Variants in FSHR observed in about 807,000 individuals in gnomAD.
FSHR encodes the protein follicle-stimulating hormone receptor.
In FSHR, 46 loss-of-function variants were observed where a neutral mutation model predicts 52.1. The ratio of observed to expected loss-of-function variants is 0.88; its 90% CI spans 0.70 to 1.13. FSHR has a LOEUF of 1.13. Among genes scored for constraint, FSHR ranks in the 50% most tolerant of loss-of-function variants. The probability of loss-of-function intolerance (pLI) is 0.00; values close to 1 mark genes in which losing one functional copy is unlikely to be tolerated. For synonymous variants in FSHR, 399 were observed against 309.6 expected (o/e 1.29, Z -3.03); for missense variants, 964 against 834.6 (o/e 1.16, Z -1.91).
intron 2 of FSHR, among the ~76,000 whole-genome samples, chr2:49,064,328 TG>T (rs1307166472): frequency 2.3e-5 from 2 of 87,362 alleles, no homozygotes; most frequent in South Asian, 5.3e-4. Context: ...CTTTTGAGAG[TG>T]GTTTAGGGCC....
intron 1 of FSHR, among the ~76,000 whole-genome samples, chr2:49,104,752 G>A (rs1293638018): frequency 6.6e-6 from 1 of 151,880 alleles, no homozygotes; most frequent in Non-Finnish European, 1.5e-5. Context: ...CCTCAATACA[G>A]CAGGGTAGAG....
chr2:49,039,595 A>G (rs1292667726), intron 2 of FSHR, among the ~76,000 whole-genome samples: 2 of 152,216 alleles, frequency 1.3e-5, no homozygotes, highest in African/African-American at 4.8e-5. Flanking sequence ...TAGAGGTGAC[A>G]TGTTCCTTGC....
chr2:49,127,804 TC>T (rs1672080013), intron 1 of FSHR, among the ~76,000 whole-genome samples: 1 of 60,138 alleles, frequency 1.7e-5, no homozygotes. Context: ...TTCTTCTTCT[TC>T]TTCTTCTTCT....
chr2:49,065,523 A>T (rs1239276576), intron 2 of FSHR, among the ~76,000 whole-genome samples: 1 of 152,090 alleles, frequency 6.6e-6, no homozygotes, highest in African/African-American at 2.4e-5. Context: ...TGGTGACATG[A>T]TTCACTGGGC....
chr2:48,987,620 C>T (rs1236650486), intron 6 of FSHR, among the ~76,000 whole-genome samples: 1 of 152,090 alleles, frequency 6.6e-6, no homozygotes, highest in Non-Finnish European at 1.5e-5. Flanking sequence ...TCTTTAAAAG[C>T]CCATTTTAAA....
chr2:48,984,586 ATT>A (rs141416405), intron 6 of FSHR, among the ~76,000 whole-genome samples: 14 of 101,732 alleles, frequency 1.4e-4, no homozygotes, highest in East Asian at 1.4e-3. Context: ...ATAATTGGGT[ATT>A]TTTTTTTTTT....
intron 8 of FSHR, among the ~76,000 whole-genome samples, chr2:48,975,820 T>A (rs1674963140): frequency 6.6e-6 from 1 of 152,198 alleles, no homozygotes; most frequent in Non-Finnish European, 1.5e-5. Context: ...ATGCTTGTGA[T>A]TTTTGCACAT....
At chr2:49,041,006 A>G (rs1307759813) in intron 2 of FSHR, among the ~76,000 whole-genome samples, 2 of 152,126 alleles carry the variant, frequency 1.3e-5, no homozygotes, top group African/African-American at 4.8e-5. Context: ...CTATGATACT[A>G]TTACCTGAGC....
At chr2:49,081,775 ACT>A (rs1670179568) in intron 1 of FSHR, among the ~76,000 whole-genome samples, 1 of 152,058 alleles carries the variant, frequency 6.6e-6, no homozygotes. Context: ...ATTCTCTTAA[ACT>A]CTGTCTCTGT....
intron 1 of FSHR, among the ~76,000 whole-genome samples, chr2:49,094,293 A>G (rs1220269480): frequency 1.3e-5 from 2 of 152,174 alleles, no homozygotes; most frequent in Non-Finnish European, 2.9e-5. Flanking sequence ...TTTATTTGCA[A>G]ACATTAAAAA....
At chr2:49,001,264 T>C (rs901533298) in intron 4 of FSHR, among the ~76,000 whole-genome samples, 2 of 151,818 alleles carry the variant, frequency 1.3e-5, no homozygotes, top group African/African-American at 4.9e-5. Flanking sequence ...TATTATAAAC[T>C]CTATTTTATA....
chr2:49,120,946 A>G (rs765005500), intron 1 of FSHR, among the ~76,000 whole-genome samples: 9 of 152,240 alleles, frequency 5.9e-5, no homozygotes, highest in South Asian at 2.1e-4. Context: ...GGAGAACACT[A>G]GTGATTTGGG....
chr2:49,086,719 C>T (rs1670406943), intron 1 of FSHR, among the ~76,000 whole-genome samples: 1 of 152,156 alleles, frequency 6.6e-6, no homozygotes, highest in African/African-American at 2.4e-5. Context: ...TGGCTCATTG[C>T]AAACTCCACA....
Position 49,020,182 on chromosome 2 carries a change from A to G in FSHR, c.225-22T>C, listed in dbSNP as rs751093894. ...CTCTCTGTGGAGAAAAAAATATATAAGTCAAGCCAGTTCAGTTACACTCCT... is the reference window on the plus strand; with the variant it reads ...CTCTCTGTGGAGAAAAAAATATATAGGTCAAGCCAGTTCAGTTACACTCCT... On this transcript the variant is annotated intron_variant, in intron 2 of 9. Transcript: ENST00000406846. The G allele has an allele frequency of 3.8e-6, 6 of 1,582,574 alleles. No individual in the cohort carries two copies. In the South Asian group the frequency reaches 6.6e-5, roughly 17 times the overall value.
At chr2:49,103,837 A>G (rs1194181095) in intron 1 of FSHR, among the ~76,000 whole-genome samples, 5 of 152,178 alleles carry the variant, frequency 3.3e-5, no homozygotes, top group African/African-American at 1.2e-4. Flanking sequence ...AATTTGGGAT[A>G]AAGACAGATC....
chr2:49,053,627 A>T (rs1268500662), intron 2 of FSHR, among the ~76,000 whole-genome samples: 1 of 152,206 alleles, frequency 6.6e-6, no homozygotes, highest in Admixed American at 6.5e-5. Context: ...TGCAGATAAA[A>T]GCTAAGGCAT....
intron 4 of FSHR, among the ~76,000 whole-genome samples, chr2:49,012,456 C>T (rs1667310425): frequency 6.6e-6 from 1 of 151,964 alleles, no homozygotes; most frequent in South Asian, 2.1e-4. Flanking sequence ...AGCATGAAGG[C>T]ATTGATGAAG....
chr2:49,076,839 G>A (rs1345824579), intron 1 of FSHR, among the ~76,000 whole-genome samples: 1 of 152,164 alleles, frequency 6.6e-6, no homozygotes, highest in Non-Finnish European at 1.5e-5. Context: ...GAAATCCAGT[G>A]GGACAGTCAA....
chr2:49,117,358 A>G (rs1378219787), intron 1 of FSHR, among the ~76,000 whole-genome samples: 1 of 152,212 alleles, frequency 6.6e-6, no homozygotes, highest in Non-Finnish European at 1.5e-5. Flanking sequence ...CATATCATAC[A>G]TATTTAATGT....
Sources: allele counts gnomAD v4.1 joint callset (sites outside exome capture counted in the v4.1 genomes callset), GRCh38; gene constraint gnomAD v4.1.1; transcripts MANE v1.5; gene names NCBI Gene and HGNC (gene_info 2026-07-23, HGNC 2026-07-21).